RFX4: variants seen among roughly 807,000 people sequenced by gnomAD.
RFX4 encodes regulatory factor X4, also known as transcription factor RFX4.
A neutral mutation model predicts 95.0 loss-of-function variants in RFX4; 10 were observed. The observed-to-expected ratio is 0.11, with a 90% CI of 0.06 to 0.18. RFX4 has a LOEUF of 0.18. RFX4 is among the 10% of genes least tolerant of loss of function. RFX4 has a pLI of 1.00. For synonymous variants in RFX4, 321 were observed against 340.7 expected, an observed-to-expected ratio of 0.94 and a Z score of 0.64; for missense variants, 640 against 922.0, an observed-to-expected ratio of 0.69 and a Z score of 3.96.
chr12:106,592,462 C>T lies in RFX4; in HGVS notation c.43+9099C>T, dbSNP rs138672956. Among the ~76,000 whole-genome samples the T allele has an allele frequency of 7.2e-3, 1,093 of 152,244 alleles. 14 individuals carry two copies. The highest frequency in any genetic ancestry group is 0.025 in the African/African-American group (1,039 of 41,534). ...TCTTTGTGGAGGCAACACCTGTGGG[C>T]TTGAATTTAAATCCTGGAAGAGAGA... On this transcript the variant is annotated intron_variant, in intron 1 of 17. Transcript: ENST00000392842.
At chr12:106,757,893 G>A (rs995806237) in intron 17 of RFX4, among the ~76,000 whole-genome samples, 3 of 152,224 alleles carry the variant, frequency 2.0e-5, no homozygotes, top group African/African-American at 7.2e-5. Flanking sequence ...CAGCTGAGAT[G>A]GGCTTTTGCC....
chr12:106,726,642 C>T (rs917728687), intron 13 of RFX4, among the ~76,000 whole-genome samples: 1 of 152,172 alleles, frequency 6.6e-6, no homozygotes, highest in Admixed American at 6.5e-5. Flanking sequence ...TTTTAAAACA[C>T]ATACACAAAT....
In RFX4 at chr12:106,732,949, G is replaced by A. The variant is rs2042640931; in HGVS notation, c.1497G>A (p.Leu499=). The A allele has an allele frequency of 6.2e-7, 1 of 1,614,058 alleles. No individual in the cohort carries two copies. Among genetic ancestry groups the A allele is most frequent in the Non-Finnish European group, 8.5e-7 (1 of 1,179,998 alleles). Residue 499 remains leucine, a synonymous_variant, in exon 15 of 18, where the codon TTG becomes TTA. Transcript: ENST00000392842. ...CAGAAGTCCGAGAAGAGATCATCTT[G>A]ACAGAGGCTGCCGCACCAACCCCTT... The part of the protein sequence containing the change: ...STAEVREEII[L]TEAAAPTPSP...
intron 1 of RFX4, chr12:106,601,433 G>A (rs1001526233): frequency 2.9e-6 from 4 of 1,365,380 alleles, no homozygotes; most frequent in Non-Finnish European, 2.0e-6. Flanking sequence ...TGGTAGCTGT[G>A]AGTGTGGCAT....
At chr12:106,608,748 TTC>T in intron 1 of RFX4, 47 bp from the exon 2 acceptor site, 1 of 1,526,322 alleles carries the variant, frequency 6.6e-7, no homozygotes, top group Non-Finnish European at 8.8e-7. Context: ...TTCTGTGATT[TTC>T]TTTTTTCTTT....
intron 2 of RFX4, among the ~76,000 whole-genome samples, chr12:106,621,961 T>C (rs1436716379): frequency 2.0e-5 from 3 of 152,202 alleles, no homozygotes; most frequent in Non-Finnish European, 4.4e-5. Flanking sequence ...TATTTGTATA[T>C]TTTATCTAGC....
chr12:106,723,569 T>C (rs2042434878), intron 13 of RFX4, among the ~76,000 whole-genome samples: 5 of 152,144 alleles, frequency 3.3e-5, no homozygotes, highest in Admixed American at 3.3e-4. Context: ...CTTCCACAGT[T>C]TCACTTTTTT....
chr12:106,700,597 G>C (rs1380008857), intron 8 of RFX4, among the ~76,000 whole-genome samples: 1 of 150,916 alleles, frequency 6.6e-6, no homozygotes, highest in African/African-American at 2.4e-5. Context: ...TAGTAGAGAC[G>C]GGGTTTCACC....
chr12:106,583,300 T>C lies in RFX4; in HGVS notation c.-21T>C. 6.6e-7 allele frequency: 1 copy of C among 1,521,146 alleles called. No homozygotes were observed. Among genetic ancestry groups the C allele is most frequent in the Non-Finnish European group, 8.8e-7 (1 of 1,134,526 alleles). 94.2% of individuals were successfully genotyped at this position (1,521,146 alleles called of 1,614,324 possible). A position where few individuals can be genotyped will look rare whatever the true frequency, so the allele number is the denominator to read the frequency against. ...AACATCAGGACTTTTGGGGGGCGCCTGTGCTGTCCATGGGAAGAGCATGCA... is the reference window on the plus strand; with the variant it reads ...AACATCAGGACTTTTGGGGGGCGCCCGTGCTGTCCATGGGAAGAGCATGCA... On this transcript the variant is annotated 5_prime_UTR_variant, in exon 1 of 18. Transcript: ENST00000392842.
At chr12:106,642,797 C>T (rs1337410228) in intron 3 of RFX4, among the ~76,000 whole-genome samples, 2 of 152,134 alleles carry the variant, frequency 1.3e-5, no homozygotes, top group Non-Finnish European at 2.9e-5. Context: ...GACACCATGA[C>T]AGTGTGAAAA....
chr12:106,732,875 A>G (rs1327865486), intron 14 of RFX4, 49 bp from the exon 15 acceptor site: 1 of 1,572,182 alleles, frequency 6.4e-7, no homozygotes, highest in East Asian at 2.3e-5. Context: ...TTTTAGAGAC[A>G]CTTGCCTTTA....
At chr12:106,751,053 A>C (rs1472871308) in intron 17 of RFX4, among the ~76,000 whole-genome samples, 1 of 150,506 alleles carries the variant, frequency 6.6e-6, no homozygotes, top group Non-Finnish European at 1.5e-5. Flanking sequence ...CTCATCTAGC[A>C]TTAGGTATAT....
intron 11 of RFX4, among the ~76,000 whole-genome samples, chr12:106,717,121 A>G (rs1592975534): frequency 6.6e-6 from 1 of 152,168 alleles, no homozygotes; most frequent in Middle Eastern, 3.4e-3. Context: ...GAAAGTCAAC[A>G]GAAAGCATGG....
chr12:106,749,257 C>CAAA (rs1162244017), intron 16 of RFX4, among the ~76,000 whole-genome samples: 2 of 49,256 alleles, frequency 4.1e-5, no homozygotes. Flanking sequence ...TACTCCAACT[C>CAAA]AAAAAAAAAA....
intron 5 of RFX4, 55 bp from the exon 6 acceptor site, chr12:106,686,828 TG>T: frequency 6.6e-7 from 1 of 1,514,534 alleles, no homozygotes. Flanking sequence ...ACAGTGCATG[TG>T]GGTCTCTCTC....
rs1347057707 is a variant in RFX4, at chr12:106,586,634, A to T, written c.43+3271A>T. The stretch of plus-strand genomic sequence containing the variant: ...CCAGAACCCAGAGCTGAGGCGGCCA[A>T]AGTACTTCCTGGAGCCGGATTTGAG... On this transcript the variant is annotated intron_variant, in intron 1 of 17. Transcript: ENST00000392842. The surrounding 1 kb of genome is among the most constrained non-coding windows in gnomAD (Gnocchi z 5.6). Among the ~76,000 whole-genome samples, 1 of 152,160 alleles carries T rather than the reference A, an allele frequency of 6.6e-6. No homozygotes were observed. The highest frequency in any genetic ancestry group is 1.5e-5 in the Non-Finnish European group (1 of 68,028).
intron 4 of RFX4, among the ~76,000 whole-genome samples, chr12:106,680,174 C>G (rs1229331940): frequency 6.6e-6 from 1 of 152,176 alleles, no homozygotes; most frequent in African/African-American, 2.4e-5. Flanking sequence ...ATTCTCTAAA[C>G]ATTCTTGTGA....
intron 2 of RFX4, among the ~76,000 whole-genome samples, chr12:106,620,016 C>T (rs751435345): frequency 2.6e-5 from 4 of 152,148 alleles, no homozygotes; most frequent in African/African-American, 4.8e-5. Flanking sequence ...ATATTTTTCT[C>T]TATCTCCTCA....
chr12:106,728,938 AACAG>A (rs1488239877), intron 13 of RFX4, among the ~76,000 whole-genome samples: 1 of 152,210 alleles, frequency 6.6e-6, no homozygotes, highest in African/African-American at 2.4e-5. Flanking sequence ...ATGGAAAATT[AACAG>A]ACAAACTGGT....
Sources: allele counts gnomAD v4.1 joint callset (sites outside exome capture counted in the v4.1 genomes callset), GRCh38; gene constraint gnomAD v4.1.1; non-coding constraint Gnocchi (gnomAD v3.1); transcripts MANE v1.5; gene names NCBI Gene and HGNC (gene_info 2026-07-23, HGNC 2026-07-21).